The following ATXN7L1 variants were observed in gnomAD, a reference collection of about 807,000 sequenced individuals.
The protein encoded by ATXN7L1 is ataxin 7 like 1.
ATXN7L1 carries 15 observed loss-of-function variants against 70.8 expected under a neutral mutation model. The ratio of observed to expected loss-of-function variants is 0.21; its 90% CI spans 0.14 to 0.33. The LOEUF (loss-of-function observed/expected upper bound fraction) is 0.33. Among genes scored for constraint, ATXN7L1 ranks in the 10% least tolerant of loss-of-function variants. The pLI is 1.00. For synonymous variants in ATXN7L1, 440 were observed against 445.1 expected (o/e 0.99, Z 0.14); for missense variants, 975 against 1,097.1 (o/e 0.89, Z 1.57).
At chr7:105,791,399 T>C (rs1805213732) in intron 2 of ATXN7L1, among the ~76,000 whole-genome samples, 1 of 152,134 alleles carries the variant, frequency 6.6e-6, no homozygotes, top group South Asian at 2.1e-4. Context: ...GCGGGAGGCC[T>C]GTGGGAAGAG....
At chr7:105,805,441 T>A (rs1178899083) in intron 2 of ATXN7L1, among the ~76,000 whole-genome samples, 1 of 151,682 alleles carries the variant, frequency 6.6e-6, no homozygotes, top group African/African-American at 2.4e-5. Context: ...AAACAGGAGG[T>A]TGTTGGTCTC....
At chr7:105,764,044 G>A (rs1800911701) in intron 3 of ATXN7L1, among the ~76,000 whole-genome samples, 1 of 151,890 alleles carries the variant, frequency 6.6e-6, no homozygotes, top group Non-Finnish European at 1.5e-5. Context: ...AGTAGAGATG[G>A]GGTTTCACCA....
At chr7:105,649,614 A>G (rs1799565030) in intron 4 of ATXN7L1, 8 of 985,626 alleles carry the variant, frequency 8.1e-6, no homozygotes, top group Non-Finnish European at 9.7e-6. Flanking sequence ...AGAGCCACCA[A>G]TGTGCCGCAG....
intron 2 of ATXN7L1, among the ~76,000 whole-genome samples, chr7:105,829,042 T>A (rs998771656): frequency 2.6e-5 from 4 of 152,120 alleles, no homozygotes; most frequent in African/African-American, 7.2e-5. Flanking sequence ...TAAGCAAATA[T>A]GTAGCTCCCA....
chr7:105,870,437 A>T (rs1320833287), intron 2 of ATXN7L1, among the ~76,000 whole-genome samples: 1 of 152,208 alleles, frequency 6.6e-6, no homozygotes, highest in African/African-American at 2.4e-5. Flanking sequence ...CCTAATTAGA[A>T]TAAAGTTTTC....
intron 7 of ATXN7L1, among the ~76,000 whole-genome samples, chr7:105,630,870 C>A (rs974132139): frequency 6.6e-6 from 1 of 152,036 alleles, no homozygotes; most frequent in African/African-American, 2.4e-5. Flanking sequence ...AACTAAAACT[C>A]CTCTAAACAT....
intron 3 of ATXN7L1, chr7:105,761,083 G>T: frequency 1.1e-6 from 1 of 899,780 alleles, no homozygotes; most frequent in Non-Finnish European, 1.4e-6. Flanking sequence ...AAGAGTGGAA[G>T]CAGGAACAGC....
intron 2 of ATXN7L1, among the ~76,000 whole-genome samples, chr7:105,813,718 G>C (rs904336568): frequency 1.3e-5 from 2 of 151,848 alleles, no homozygotes; most frequent in African/African-American, 4.8e-5. Flanking sequence ...TCCTTTTCTG[G>C]AAACCAGAAA....
rs1802427023 is a variant in ATXN7L1 at position 105,665,163 on chromosome 7, T to C, written c.481A>G (p.Thr161Ala). ...CLSGHHSASSTSKPFKTPKDN... is the reference protein window; with the variant it reads ...CLSGHHSASSASKPFKTPKDN... ...TTGGGCGTTTTGAATGGCTTTGAGG[T>C]GCTGCTGGCAGAGTGATGGCCGCTG... The change falls in exon 4 of 12, where the codon ACC (threonine) becomes GCC (alanine). Residue 161 changes from threonine (T) to alanine (A), a missense_variant. By Grantham distance (58) the Thr-to-Ala change is moderately conservative. This residue lies in a region of ATXN7L1 where 192 missense variants were observed against 215.5 expected (regional missense o/e 0.89). Coordinates refer to ENST00000419735, the MANE Select transcript of ATXN7L1 (RefSeq NM_020725.2). The C allele has an allele frequency of 1.3e-6, 2 of 1,551,580 alleles. No homozygotes were observed. The highest frequency in any genetic ancestry group is 1.4e-5 in the African/African-American group (1 of 73,044).
At chr7:105,825,690 C>T (rs1810775633) in intron 2 of ATXN7L1, among the ~76,000 whole-genome samples, 1 of 152,030 alleles carries the variant, frequency 6.6e-6, no homozygotes, top group Middle Eastern at 3.4e-3. Context: ...TCTCACTATC[C>T]AAACACTTAG....
At chr7:105,658,160 G>C (rs749100965) in intron 4 of ATXN7L1, among the ~76,000 whole-genome samples, 15 of 151,368 alleles carry the variant, frequency 9.9e-5, no homozygotes, top group Non-Finnish European at 1.8e-4. Context: ...ACATTGTAGA[G>C]TGAACTAACA....
intron 8 of ATXN7L1, among the ~76,000 whole-genome samples, chr7:105,623,678 T>C (rs1795256718): frequency 6.6e-6 from 1 of 152,058 alleles, no homozygotes; most frequent in Non-Finnish European, 1.5e-5. Context: ...GTTTCCAGAG[T>C]AGGTGAACCG....
At chr7:105,739,728 C>G (rs1309420913) in intron 3 of ATXN7L1, among the ~76,000 whole-genome samples, 1 of 152,182 alleles carries the variant, frequency 6.6e-6, no homozygotes, top group African/African-American at 2.4e-5. Context: ...AATTATAATT[C>G]CCAGCACTGG....
intron 3 of ATXN7L1, among the ~76,000 whole-genome samples, chr7:105,701,578 A>G (rs1792461480): frequency 6.6e-6 from 1 of 152,242 alleles, no homozygotes; most frequent in Admixed American, 6.5e-5. Context: ...ATTATGCAAA[A>G]CAGCACCTCT....
chr7:105,608,194 A>G (rs117763960), intron 11 of ATXN7L1, among the ~76,000 whole-genome samples: 20 of 152,290 alleles, frequency 1.3e-4, no homozygotes, highest in Non-Finnish European at 2.1e-4. Context: ...AGAATAATTG[A>G]TGCCTTCATT....
chr7:105,766,943 C>T (rs1001021388), intron 3 of ATXN7L1, among the ~76,000 whole-genome samples: 2 of 152,210 alleles, frequency 1.3e-5, no homozygotes, highest in African/African-American at 2.4e-5. Flanking sequence ...GATTCAAAGA[C>T]GCTTGCTCTG....
chr7:105,713,551 T>C (rs951541244), intron 3 of ATXN7L1, among the ~76,000 whole-genome samples: 3 of 152,160 alleles, frequency 2.0e-5, no homozygotes, highest in South Asian at 2.1e-4. Flanking sequence ...CTTTACTAGA[T>C]AGACATTAAA....
chr7:105,635,640 C>T (rs1797244431), intron 7 of ATXN7L1, among the ~76,000 whole-genome samples: 1 of 152,230 alleles, frequency 6.6e-6, no homozygotes, highest in African/African-American at 2.4e-5. Context: ...TGTTATCTAA[C>T]TTTAACTTTT....
At chr7:105,803,240 T>C (rs1436928962) in intron 2 of ATXN7L1, among the ~76,000 whole-genome samples, 1 of 152,210 alleles carries the variant, frequency 6.6e-6, no homozygotes, top group Non-Finnish European at 1.5e-5. Context: ...GGGAGGGCAG[T>C]GGGCCGAAGC....
Sources: gnomAD v4.1 joint callset for allele counts (sites outside exome capture counted in the v4.1 genomes callset) on GRCh38, gnomAD v4.1.1 for gene constraint, gnomAD v4.1.1 regional missense constraint, MANE v1.5 for transcripts, NCBI Gene and HGNC (gene_info 2026-07-23, HGNC 2026-07-21) for gene names.